Variants in LMBR1 observed in about 807,000 individuals in gnomAD.
The protein encoded by LMBR1 is limb development membrane protein 1.
A neutral mutation model predicts 73.9 loss-of-function variants in LMBR1; 52 were observed. That is an observed-to-expected ratio of 0.70 (90% CI 0.56 to 0.89). The LOEUF is 0.89. Among genes scored for constraint, LMBR1 ranks in the 40% least tolerant of loss-of-function variants. The pLI is 0.00. For missense variants in LMBR1, 539 were observed against 579.8 expected, an observed-to-expected ratio of 0.93 and a Z score of 0.72; for synonymous variants, 215 against 209.4, an observed-to-expected ratio of 1.03 and a Z score of -0.23.
downstream of LMBR1, chr7:156,676,679 T>C: frequency 6.3e-7 from 1 of 1,584,022 alleles, no homozygotes. Flanking sequence ...GAAAGTTAGG[T>C]AATTCTGAGG....
chr7:156,732,107 A>G (rs1195629086), intron 10 of LMBR1, among the ~76,000 whole-genome samples: 3 of 152,118 alleles, frequency 2.0e-5, no homozygotes, highest in African/African-American at 4.8e-5. Flanking sequence ...TTTCAAGAAC[A>G]TAACACTGGA....
intron 5 of LMBR1, among the ~76,000 whole-genome samples, chr7:156,786,412 C>A (rs910389037): frequency 1.1e-4 from 17 of 152,106 alleles, no homozygotes; most frequent in Middle Eastern, 3.4e-3. Flanking sequence ...GTAAGGGTAA[C>A]GTTATTGTAT....
chr7:156,707,878 T>C (rs1164267542), intron 15 of LMBR1, among the ~76,000 whole-genome samples: 2 of 151,906 alleles, frequency 1.3e-5, no homozygotes, highest in African/African-American at 4.8e-5. Context: ...CCCAAATTGG[T>C]AAAGAGGAGG....
At chr7:156,677,344 CAT>C (rs913534438), downstream of LMBR1, among the ~76,000 whole-genome samples, 2 of 152,138 alleles carry the variant, frequency 1.3e-5, no homozygotes, top group African/African-American at 4.8e-5. Flanking sequence ...GCTGAAGACA[CAT>C]GATTTCTGAG....
chr7:156,734,128 A>T (rs780471290), intron 10 of LMBR1, 49 bp downstream of exon 10: 4 of 1,206,530 alleles, frequency 3.3e-6, no homozygotes, highest in Non-Finnish European at 4.7e-6. Flanking sequence ...AAAGTCTTTA[A>T]TAAGAAACCA....
intron 1 of LMBR1, among the ~76,000 whole-genome samples, chr7:156,870,686 A>G (rs1242947192): frequency 6.6e-6 from 1 of 151,638 alleles, no homozygotes; most frequent in Non-Finnish European, 1.5e-5. Context: ...ACTGGTGTGA[A>G]CCCAGGAGGC....
Position 156,725,979 on chromosome 7 carries a change from C to G in LMBR1, c.994-142G>C, listed in dbSNP as rs934161956. On this transcript the variant is annotated intron_variant, in intron 12 of 16. Coordinates refer to ENST00000353442, the MANE Select transcript of LMBR1 (RefSeq NM_022458.4). ...TAACATCTAGACTTTCAAAGGCCAA[C>G]AAGACATGACATTAGACTGATTTCA... 1.5e-5 allele frequency: 9 copies of G among 609,228 alleles called. No homozygotes were observed. The African/African-American group carries it at 1.7e-4, about 12-fold the overall frequency. 37.7% of individuals were successfully genotyped at this position (609,228 alleles called of 1,614,324 possible).
At chr7:156,882,094 A>G (rs1002095982) in intron 1 of LMBR1, among the ~76,000 whole-genome samples, 61 of 152,348 alleles carry the variant, frequency 4.0e-4, no homozygotes, top group African/African-American at 1.4e-3. Flanking sequence ...TAACGGATGG[A>G]TAATGAAAAT....
chr7:156,734,535 T>C (rs894714153), intron 9 of LMBR1, among the ~76,000 whole-genome samples: 37 of 152,154 alleles, frequency 2.4e-4, no homozygotes, highest in Non-Finnish European at 5.9e-5. Context: ...AAACGACATA[T>C]TGGGTACAAC....
At chr7:156,736,159 G>T (rs1817825094) in intron 9 of LMBR1, among the ~76,000 whole-genome samples, 1 of 152,194 alleles carries the variant, frequency 6.6e-6, no homozygotes, top group African/African-American at 2.4e-5. Context: ...TCAGTTTCTT[G>T]GAGAGCCGTG....
Position 156,685,571 on chromosome 7 carries a change from T to C in LMBR1, c.1388-1408A>G, listed in dbSNP as rs534952292. The stretch of plus-strand genomic sequence containing the variant: ...GCACCATGGCACATATCTGTGCATC[T>C]AGAAACATATGAACCTAGAAAAGCT... On this transcript the variant is annotated intron_variant, in intron 16 of 16. Coordinates refer to ENST00000353442, the MANE Select transcript of LMBR1 (RefSeq NM_022458.4). The surrounding 1 kb of genome is among the most constrained non-coding windows in gnomAD (Gnocchi z 4.1). 6.6e-6 allele frequency among the ~76,000 whole-genome samples: 1 copy of C among 152,352 alleles called. No individual in the cohort carries two copies. Among genetic ancestry groups the C allele is most frequent in the South Asian group, 2.1e-4 (1 of 4,830 alleles).
chr7:156,681,956 T>C lies in LMBR1; in HGVS notation c.*2122A>G, dbSNP rs1805126132. 2 of 152,286 alleles carry C rather than the reference T, an allele frequency of 1.3e-5. No individual in the cohort carries two copies. Among genetic ancestry groups the C allele is most frequent in the Non-Finnish European group, 2.9e-5 (2 of 68,060 alleles). 9.4% of individuals were successfully genotyped at this position (152,286 alleles called of 1,614,324 possible). The stretch of plus-strand genomic sequence containing the variant: ...AGTCAGTCTCTCCAGAGGCAGATGC[T>C]TGGGCATGTGCTCAGGAAGAGCCTC... On this transcript the variant is annotated 3_prime_UTR_variant, in exon 17 of 17. Transcript: ENST00000353442.
chr7:156,886,589 A>C (rs1266707330), intron 1 of LMBR1, among the ~76,000 whole-genome samples: 1 of 152,218 alleles, frequency 6.6e-6, no homozygotes, highest in African/African-American at 2.4e-5. Flanking sequence ...TTGTCCAATC[A>C]AAGCTATAGT....
intron 1 of LMBR1, among the ~76,000 whole-genome samples, chr7:156,860,581 C>T (rs1187908973): frequency 6.6e-6 from 1 of 152,164 alleles, no homozygotes; most frequent in Non-Finnish European, 1.5e-5. Context: ...AAAATCTTAA[C>T]TCATTTCAGC....
intron 1 of LMBR1, among the ~76,000 whole-genome samples, chr7:156,860,105 T>G (rs7779006): frequency 2.6e-5 from 4 of 152,212 alleles, no homozygotes; most frequent in Admixed American, 6.5e-5. Context: ...ACATAGACCC[T>G]ATGGCGTTCC....
At chr7:156,840,988 A>G (rs1005485279) in intron 1 of LMBR1, among the ~76,000 whole-genome samples, 7 of 151,178 alleles carry the variant, frequency 4.6e-5, no homozygotes, top group African/African-American at 1.7e-4. Context: ...AAAAAAAGAA[A>G]AAGAAAAGAA....
intron 4 of LMBR1, among the ~76,000 whole-genome samples, chr7:156,821,183 T>C (rs989631178): frequency 5.9e-5 from 9 of 152,206 alleles, no homozygotes; most frequent in Non-Finnish European, 1.2e-4. Flanking sequence ...AAGTGGTACA[T>C]GTCTGGGCCT....
At chr7:156,746,198 G>A (rs1482780729) in intron 9 of LMBR1, among the ~76,000 whole-genome samples, 3 of 152,106 alleles carry the variant, frequency 2.0e-5, no homozygotes, top group Non-Finnish European at 4.4e-5. Flanking sequence ...ATTAAACTGT[G>A]TATCTGTAAT....
At position 156,767,802 on chromosome 7, in the gene LMBR1, T is replaced by A. The variant is rs530999745; in HGVS notation, c.424-4007A>T. Among the ~76,000 whole-genome samples, 209 of 152,100 alleles carry A rather than the reference T, an allele frequency of 1.4e-3. 1 individual carries two copies. The highest frequency in any genetic ancestry group is 4.9e-3 in the African/African-American group (204 of 41,540). On this transcript the variant is annotated intron_variant, in intron 5 of 16. Coordinates refer to ENST00000353442, the MANE Select transcript of LMBR1 (RefSeq NM_022458.4). Reference sequence around the variant, plus strand: ...ACCAAATATATCTACTATAACTATATATGCAAATTAGGTCAAAAAACACAA... The same window carrying A: ...ACCAAATATATCTACTATAACTATAAATGCAAATTAGGTCAAAAAACACAA...
Sources: gnomAD v4.1 joint callset for allele counts (sites outside exome capture counted in the v4.1 genomes callset) on GRCh38, gnomAD v4.1.1 for gene constraint, Gnocchi (gnomAD v3.1) non-coding constraint, MANE v1.5 for transcripts, NCBI Gene and HGNC (gene_info 2026-07-23, HGNC 2026-07-21) for gene names.